AP4E1: variants seen among roughly 807,000 people sequenced by gnomAD.
AP4E1 encodes AP-4 complex subunit epsilon-1.
AP4E1 carries 56 observed loss-of-function variants against 128.2 expected under a neutral mutation model. The observed-to-expected ratio is 0.44, with a 90% CI of 0.35 to 0.55. The LOEUF (loss-of-function observed/expected upper bound fraction) is 0.55. Ranked by LOEUF, AP4E1 falls within the 20% of genes least tolerant of loss-of-function variation. The pLI, the probability that AP4E1 is intolerant of heterozygous loss-of-function variation, is 0.00. For missense variants in AP4E1, 1,324 were observed against 1,307.7 expected, an observed-to-expected ratio of 1.01 and a Z score of -0.19; for synonymous variants, 484 against 473.1, an observed-to-expected ratio of 1.02 and a Z score of -0.30.
intron 13 of AP4E1, among the ~76,000 whole-genome samples, chr15:50,954,233 A>T (rs1301009874): frequency 6.6e-6 from 1 of 152,116 alleles, no homozygotes; most frequent in East Asian, 1.9e-4. Flanking sequence ...GTGGTATTCC[A>T]GTTTTGGTAT....
At chr15:50,969,586 A>G (rs1348546699) in intron 15 of AP4E1, among the ~76,000 whole-genome samples, 1 of 152,064 alleles carries the variant, frequency 6.6e-6, no homozygotes, top group Non-Finnish European at 1.5e-5. Context: ...TATAGTGTTT[A>G]GATCATAGTA....
chr15:50,909,303 G>A (rs2063535267), intron 1 of AP4E1, among the ~76,000 whole-genome samples: 1 of 152,222 alleles, frequency 6.6e-6, no homozygotes. Context: ...TAGTGCGATG[G>A]AAGTGTCAGA....
Position 51,004,685 on chromosome 15 carries a change from G to T in AP4E1, c.*2023G>T, listed in dbSNP as rs746412443. 114 of 152,672 alleles carry T rather than the reference G, an allele frequency of 7.5e-4. 1 individual carries two copies. Among genetic ancestry groups the T allele is most frequent in the Admixed American group, 5.4e-3 (83 of 15,294 alleles). 9.5% of individuals were successfully genotyped at this position (152,672 alleles called of 1,614,324 possible). A position where few individuals can be genotyped will look rare whatever the true frequency, so the allele number is the denominator to read the frequency against. On this transcript the variant is annotated 3_prime_UTR_variant, in exon 21 of 21. Transcript: ENST00000261842. ...CCACTAAATAAAAAGTAGTGTAACA[G>T]GGTTTCACTGGAATGTTTATTAGAA... is the stretch of plus-strand genomic sequence containing the variant.
At chr15:50,987,018 C>A (rs1567258118) in intron 16 of AP4E1, among the ~76,000 whole-genome samples, 1 of 152,188 alleles carries the variant, frequency 6.6e-6, no homozygotes, top group Non-Finnish European at 1.5e-5. Flanking sequence ...GATTCAACTT[C>A]TTCCTGGTTT....
intron 16 of AP4E1, among the ~76,000 whole-genome samples, chr15:50,986,990 G>A (rs1343185413): frequency 1.3e-5 from 2 of 152,166 alleles, no homozygotes; most frequent in African/African-American, 4.8e-5. Flanking sequence ...TTCAGAGCCT[G>A]TTATTGGTCT....
chr15:50,946,103 A>T (rs1417285315), intron 10 of AP4E1: 1 of 586,716 alleles, frequency 1.7e-6, no homozygotes, highest in East Asian at 3.0e-5. Flanking sequence ...CATTTTAGTT[A>T]CATGTGTAGA....
At chr15:50,995,239 C>A (rs905237433) in intron 17 of AP4E1, among the ~76,000 whole-genome samples, 4 of 152,070 alleles carry the variant, frequency 2.6e-5, no homozygotes, top group Admixed American at 2.6e-4. Context: ...ATTTTTCTTA[C>A]GTTTAGCGTT....
chr15:50,945,142 G>A (rs1284141530), intron 10 of AP4E1: 1 of 842,392 alleles, frequency 1.2e-6, no homozygotes, highest in Non-Finnish European at 2.1e-6. Flanking sequence ...GTGTATACTG[G>A]GGTTTATCAT....
At chr15:50,958,340 A>T (rs2064259773) in intron 13 of AP4E1, 152 bp from the exon 14 acceptor site, 1 of 657,462 alleles carries the variant, frequency 1.5e-6, no homozygotes, top group Admixed American at 3.0e-5. Context: ...AACCTAAAAT[A>T]TACAGTTGTA....
At position 50,925,167 on chromosome 15, in the gene AP4E1, G is replaced by A. The variant is rs556357549; in HGVS notation, c.490G>A (p.Glu164Lys). 10 of 1,613,698 alleles carry A rather than the reference G, an allele frequency of 6.2e-6. No individual in the cohort carries two copies. Among genetic ancestry groups the A allele is most frequent in the Admixed American group, 1.7e-5 (1 of 60,010 alleles). Residue 164 changes from glutamate (E) to lysine (K), a missense_variant, in exon 5 of 21, where the codon GAA becomes AAA. Glu to Lys is a moderately conservative substitution (Grantham distance 56). Coordinates refer to ENST00000261842, the MANE Select transcript of AP4E1 (RefSeq NM_007347.5). Reference protein sequence around the residue: ...LTVVSQIFPCEMIPAVLPLIE... With the variant: ...LTVVSQIFPCKMIPAVLPLIE... ...TGTTGTTAGCCAGATTTTCCCCTGC[G>A]AAATGATTCCAGCTGTTCTTCCATT...
chr15:50,982,587 A>G (rs2064658801), intron 15 of AP4E1, among the ~76,000 whole-genome samples: 1 of 152,206 alleles, frequency 6.6e-6, no homozygotes, highest in Admixed American at 6.5e-5. Flanking sequence ...CTGTTGACGT[A>G]GTTTGAATTC....
At position 51,002,571 on chromosome 15, in the gene AP4E1, C is replaced by A; in HGVS notation, c.3323C>A (p.Ala1108Glu). 6.2e-7 allele frequency: 1 copy of A among 1,614,158 alleles called. No homozygotes were observed. ...IPCLLHCRVH[A>E]DVLALWFRSS... ...TGCTTACTGCATTGCCGAGTTCATG[C>A]AGATGTATTAGCCCTGTGGTTCAGA... Residue 1108 changes from alanine (A) to glutamate (E), a missense_variant, in exon 21 of 21, where the codon GCA becomes GAA. By Grantham distance (107) the Ala-to-Glu change is moderately radical. Coordinates refer to ENST00000261842, the MANE Select transcript of AP4E1 (RefSeq NM_007347.5).
chr15:50,927,153 A>G (rs1263541127), intron 5 of AP4E1, among the ~76,000 whole-genome samples: 1 of 152,080 alleles, frequency 6.6e-6, no homozygotes, highest in Non-Finnish European at 1.5e-5. Context: ...GACCTTACTT[A>G]CTGACCATTT....
chr15:50,908,633 A>T (rs2063525086), upstream of AP4E1: 1 of 1,103,576 alleles, frequency 9.1e-7, no homozygotes, highest in African/African-American at 1.7e-5. Context: ...AACGACGCTG[A>T]ACTTGTTCAG....
chr15:50,942,897 A>T (rs2064006964), intron 10 of AP4E1, among the ~76,000 whole-genome samples: 1 of 152,082 alleles, frequency 6.6e-6, no homozygotes, highest in Non-Finnish European at 1.5e-5. Flanking sequence ...AGAATTTTTT[A>T]AATAATTTTA....
At position 50,908,735 on chromosome 15, in the gene AP4E1, C is replaced by CT. The variant is rs1174285718; in HGVS notation, c.-43dup. On this transcript the variant is annotated 5_prime_UTR_variant, in exon 1 of 21. Coordinates refer to ENST00000261842, the MANE Select transcript of AP4E1 (RefSeq NM_007347.5). ...GGCGGCCGGGCATGAAGCCGGGCGG[C>CT]TACGGGATCGCGGGCGGCGGCGGCA... is the stretch of plus-strand genomic sequence containing the variant. 6.7e-7 allele frequency: 1 copy of CT among 1,492,006 alleles called. No homozygotes were observed. The highest frequency in any genetic ancestry group is 8.9e-7 in the Non-Finnish European group (1 of 1,121,740). 92.4% of individuals were successfully genotyped at this position (1,492,006 alleles called of 1,614,324 possible). A position where few individuals can be genotyped will look rare whatever the true frequency, so the allele number is the denominator to read the frequency against.
chr15:50,945,661 A>G (rs1159461440), intron 10 of AP4E1: 3 of 779,630 alleles, frequency 3.8e-6, no homozygotes, highest in Admixed American at 3.5e-5. Flanking sequence ...TGTAAAATGC[A>G]CTTCTGACAG....
chr15:50,923,459 A>C (rs534400645), intron 3 of AP4E1, among the ~76,000 whole-genome samples: 3 of 152,316 alleles, frequency 2.0e-5, no homozygotes, highest in African/African-American at 7.2e-5. Context: ...TATGATTTAC[A>C]TCATGTGCGT....
rs754437475 is a variant in AP4E1 at position 50,930,807 on chromosome 15, G to T, written c.705G>T (p.Glu235Asp). Residue 235 changes from glutamate to aspartate, a missense_variant and splice_region_variant, in exon 7 of 21, where the codon GAG becomes GAT. Glu to Asp is a conservative substitution (Grantham distance 45). Transcript: ENST00000261842. Reference sequence around the variant, plus strand: ...GTTTTTTTTGCGGGGGGATGTAGGAGAATTCATCTGGATATAAAGACTTGA... The same window carrying T: ...GTTTTTTTTGCGGGGGGATGTAGGATAATTCATCTGGATATAAAGACTTGA... ...SLHIYLRMIK[E>D]NSSGYKDLTG... 65 of 1,613,916 alleles carry T rather than the reference G, an allele frequency of 4.0e-5. No individual in the cohort carries two copies. The highest frequency in any genetic ancestry group is 5.4e-5 in the Non-Finnish European group (64 of 1,179,986).
Sources: allele counts gnomAD v4.1 joint callset (sites outside exome capture counted in the v4.1 genomes callset), GRCh38; gene constraint gnomAD v4.1.1; transcripts MANE v1.5; gene names NCBI Gene and HGNC (gene_info 2026-07-23, HGNC 2026-07-21).